Variants in TSPAN13 observed in about 807,000 individuals in gnomAD.
TSPAN13 encodes tetraspanin 13.
In TSPAN13, 18 loss-of-function variants were observed where a neutral mutation model predicts 26.9. That is an observed-to-expected ratio of 0.67 (90% CI 0.46 to 0.99). The LOEUF is 0.99. Among genes scored for constraint, TSPAN13 ranks in the 50% least tolerant of loss-of-function variants. The probability of loss-of-function intolerance (pLI) is 0.00; values close to 1 mark genes in which losing one functional copy is unlikely to be tolerated. For synonymous variants in TSPAN13, 116 were observed against 98.4 expected, an observed-to-expected ratio of 1.18 and a Z score of -1.06; for missense variants, 201 against 249.6, an observed-to-expected ratio of 0.81 and a Z score of 1.31.
chr7:16,775,757 G>A (rs977540661), intron 1 of TSPAN13: 1 of 152,796 alleles, frequency 6.5e-6, no homozygotes, highest in African/African-American at 2.4e-5. Flanking sequence ...GATTTCTTTA[G>A]TCAGCTGGGG....
At position 16,783,998 on chromosome 7, in the gene TSPAN13, T is replaced by C. The variant is rs1196677193; in HGVS notation, c.*507T>C. On this transcript the variant is annotated 3_prime_UTR_variant, in exon 6 of 6. Coordinates refer to ENST00000262067, the MANE Select transcript of TSPAN13 (RefSeq NM_014399.4). ...TAGGAAAGATTGTTGTGGTAAAAAG[T>C]GTTAGTATAAAAATGATAATTTACT... 5 of 153,006 alleles carry C rather than the reference T, an allele frequency of 3.3e-5. No homozygotes were observed. The East Asian group carries it at 9.6e-4, about 29-fold the overall frequency. The allele number at this position is 153,006 out of a possible 1,614,324, so 9.5% of individuals were successfully genotyped here. A position where few individuals can be genotyped will look rare whatever the true frequency, so the allele number is the denominator to read the frequency against.
At chr7:16,754,797 T>C (rs567736731) in intron 1 of TSPAN13, among the ~76,000 whole-genome samples, 3 of 152,284 alleles carry the variant, frequency 2.0e-5, no homozygotes, top group African/African-American at 7.2e-5. Context: ...TTGTGATTTT[T>C]TGAGGCGCAA....
At position 16,753,788 on chromosome 7, in the gene TSPAN13, CG is replaced by C; in HGVS notation, c.-177del. 2.0e-6 allele frequency: 1 copy of C among 491,458 alleles called. No homozygotes were observed. The highest frequency in any genetic ancestry group is 3.4e-6 in the Non-Finnish European group (1 of 291,124). 30.4% of individuals were successfully genotyped at this position (491,458 alleles called of 1,614,324 possible). ...GCTGCGGCGGCCGCAGGTTCCAAAG[CG>C]GGTCCGAGCCGCCGCCGCGCGCGCG... is the stretch of plus-strand genomic sequence containing the variant. On this transcript the variant is annotated 5_prime_UTR_variant, in exon 1 of 6. Transcript: ENST00000262067.
In TSPAN13 at chr7:16,778,110, AG is replaced by A. The variant is rs1346827207; in HGVS notation, c.426+201del. Reference sequence around the variant, plus strand: ...ACTCCAGAGAGTGTTGAGAATTTCAAGGCCCTATTGGACACAGATGCTAATG... The same window carrying A: ...ACTCCAGAGAGTGTTGAGAATTTCAAGCCCTATTGGACACAGATGCTAATG... On this transcript the variant is annotated intron_variant, in intron 4 of 5. Coordinates refer to ENST00000262067, the MANE Select transcript of TSPAN13 (RefSeq NM_014399.4). 2.0e-5 allele frequency among the ~76,000 whole-genome samples: 3 copies of A among 152,326 alleles called. No individual in the cohort carries two copies. In the East Asian group the frequency reaches 5.8e-4, roughly 29 times the overall value.
chr7:16,777,966 T>G, intron 4 of TSPAN13, 55 bp downstream of exon 4: 1 of 1,293,404 alleles, frequency 7.7e-7, no homozygotes, highest in Non-Finnish European at 1.1e-6. Flanking sequence ...TAAATAATGA[T>G]TAATGTGGAA....
At chr7:16,776,943 AATTACTT>A in intron 2 of TSPAN13, 92 bp from the exon 3 acceptor site, 1 of 687,968 alleles carries the variant, frequency 1.5e-6, no homozygotes, top group Non-Finnish European at 2.5e-6. Flanking sequence ...ATTCTGGGTT[AATTACTT>A]CTTGTGCATT....
intron 5 of TSPAN13, among the ~76,000 whole-genome samples, 190 bp from the exon 6 acceptor site, chr7:16,783,227 T>C (rs1363975005): frequency 3.3e-5 from 5 of 152,150 alleles, no homozygotes; most frequent in African/African-American, 1.2e-4. Context: ...TACCACAGTG[T>C]TCGTTTTAAT....
At position 16,777,826 on chromosome 7, in the gene TSPAN13, A is replaced by G. The variant is rs1201909228; in HGVS notation, c.341A>G (p.Asn114Ser). The change falls in exon 4 of 6, where the codon AAT becomes AGT. Residue 114 changes from asparagine (N) to serine (S), a missense_variant. By Grantham distance (46) the Asn-to-Ser change is conservative (BLOSUM62 1). Coordinates refer to ENST00000262067, the MANE Select transcript of TSPAN13 (RefSeq NM_014399.4). ...QGQLLEVGWN[N>S]TASARNDIQR... is the part of the protein sequence containing the mutation. ...CAGCTTCTGGAGGTTGGTTGGAACA[A>G]TACGGCAAGTGCTCGAAATGACATC... 1 of 1,613,990 alleles carries G rather than the reference A, an allele frequency of 6.2e-7. No homozygotes were observed. Among genetic ancestry groups the G allele is most frequent in the Admixed American group, 1.7e-5 (1 of 60,024 alleles).
chr7:16,759,912 C>T (rs573463769), intron 1 of TSPAN13, among the ~76,000 whole-genome samples: 4 of 152,182 alleles, frequency 2.6e-5, no homozygotes, highest in African/African-American at 9.6e-5. Context: ...GCCTTGAATA[C>T]CTGGCCTCAA....
At chr7:16,764,081 A>G (rs1250230901) in intron 1 of TSPAN13, among the ~76,000 whole-genome samples, 1 of 152,068 alleles carries the variant, frequency 6.6e-6, no homozygotes, top group Non-Finnish European at 1.5e-5. Flanking sequence ...ACAGTGGCGC[A>G]GTCTTGACTC....
rs191598068 is a variant in TSPAN13 at position 16,765,235 on chromosome 7, G to A, written c.64-10976G>A. Among the ~76,000 whole-genome samples the A allele has an allele frequency of 3.2e-3, 479 of 151,896 alleles. 5 individuals are homozygous for A. Among genetic ancestry groups the A allele is most frequent in the African/African-American group, 0.011 (448 of 41,320 alleles). On this transcript the variant is annotated intron_variant, in intron 1 of 5. Transcript: ENST00000262067. The stretch of plus-strand genomic sequence containing the variant: ...CTGAGTCAGTCTCCCAAGTAGCTGG[G>A]ACCACAGCTGGTTGCCACTGCACCT...
chr7:16,755,066 A>G (rs962090116), intron 1 of TSPAN13, among the ~76,000 whole-genome samples: 1 of 152,024 alleles, frequency 6.6e-6, no homozygotes, highest in Non-Finnish European at 1.5e-5. Context: ...CGGGCGGAAG[A>G]AACTTCCTCT....
chr7:16,759,450 CT>C, intron 1 of TSPAN13, among the ~76,000 whole-genome samples: 1 of 152,206 alleles, frequency 6.6e-6, no homozygotes, highest in Admixed American at 6.5e-5. Flanking sequence ...TCACTTATCA[CT>C]GAGGGGATGG....
intron 1 of TSPAN13, among the ~76,000 whole-genome samples, chr7:16,754,662 C>G (rs1320166518): frequency 6.6e-6 from 1 of 152,068 alleles, no homozygotes; most frequent in African/African-American, 2.4e-5. Flanking sequence ...TGTGTCTTGT[C>G]CATGATCAAT....
intron 1 of TSPAN13, 144 bp downstream of exon 1, chr7:16,754,174 A>C: frequency 1.2e-6 from 1 of 842,450 alleles, no homozygotes; most frequent in Non-Finnish European, 1.9e-6. Flanking sequence ...CCCCGGCCTC[A>C]CCATCCGTCC....
Position 16,776,249 on chromosome 7 carries a change from C to T in TSPAN13, c.102C>T (p.Gly34=), listed in dbSNP as rs755332742. The T allele has an allele frequency of 3.1e-6, 5 of 1,614,062 alleles. No individual in the cohort carries two copies. The highest frequency in any genetic ancestry group is 4.2e-6 in the Non-Finnish European group (5 of 1,179,996). Residue 34 remains glycine (G), a synonymous_variant, in exon 2 of 6, where the codon GGC becomes GGT. Coordinates refer to ENST00000262067, the MANE Select transcript of TSPAN13 (RefSeq NM_014399.4). ...TGCTAATTGGAATTGCTGCGTGGGG[C>T]ATTGGCTTCGGGCTGATTTCCAGTC... ...SLLLIGIAAW[G]IGFGLISSLR... is the part of the protein sequence containing the mutation.
chr7:16,774,917 A>G (rs568829914), intron 1 of TSPAN13, among the ~76,000 whole-genome samples: 12 of 152,182 alleles, frequency 7.9e-5, no homozygotes, highest in Non-Finnish European at 1.6e-4. Flanking sequence ...TTGTATCTCT[A>G]CATATGTAAG....
chr7:16,757,563 C>T (rs1356128242), intron 1 of TSPAN13, among the ~76,000 whole-genome samples: 2 of 152,142 alleles, frequency 1.3e-5, no homozygotes, highest in South Asian at 2.1e-4. Flanking sequence ...TATGACCAAA[C>T]ATATATTTAC....
At chr7:16,765,904 A>G (rs1420048768) in intron 1 of TSPAN13, among the ~76,000 whole-genome samples, 1 of 152,234 alleles carries the variant, frequency 6.6e-6, no homozygotes, top group Non-Finnish European at 1.5e-5. Context: ...TTATGCTGTT[A>G]GAGTTAACTG....
Sources: gnomAD v4.1 joint callset for allele counts (sites outside exome capture counted in the v4.1 genomes callset) on GRCh38, gnomAD v4.1.1 for gene constraint, MANE v1.5 for transcripts, NCBI Gene and HGNC (gene_info 2026-07-23, HGNC 2026-07-21) for gene names.